The following DIP2A variants were observed in gnomAD, a reference collection of about 807,000 sequenced individuals.
DIP2A encodes disco-interacting protein 2 homolog A.
In DIP2A, 85 loss-of-function variants were observed where a neutral mutation model predicts 177.4. The ratio of observed to expected loss-of-function variants is 0.48; its 90% CI spans 0.40 to 0.57. The LOEUF (loss-of-function observed/expected upper bound fraction) is 0.57. Ranked by LOEUF, DIP2A falls within the 20% of genes least tolerant of loss-of-function variation. The pLI, the probability that DIP2A is intolerant of heterozygous loss-of-function variation, is 0.00. For missense variants in DIP2A, 1,791 were observed against 2,100.2 expected, an observed-to-expected ratio of 0.85 and a Z score of 2.88; for synonymous variants, 886 against 881.8, an observed-to-expected ratio of 1.00 and a Z score of -0.08.
At chr21:46,496,052 C>T (rs2057341445) in intron 3 of DIP2A, among the ~76,000 whole-genome samples, 1 of 144,514 alleles carries the variant, frequency 6.9e-6, no homozygotes. Context: ...AGCCTGGCGA[C>T]AGATCGAGAC....
At chr21:46,548,878 C>T (rs1382609844) in intron 21 of DIP2A, among the ~76,000 whole-genome samples, 1 of 152,206 alleles carries the variant, frequency 6.6e-6, no homozygotes, top group Admixed American at 6.5e-5. Context: ...CCAAGCAAAA[C>T]ACATCAGACT....
chr21:46,567,823 T>C lies in DIP2A; in HGVS notation c.*201T>C, dbSNP rs1337937631. ...AATATTTTGAATCTGCCAAGTACAT[T>C]TACAAAAACACGGATGCTGGTATTT... On this transcript the variant is annotated 3_prime_UTR_variant, in exon 38 of 38. Coordinates refer to ENST00000417564, the MANE Select transcript of DIP2A (RefSeq NM_015151.4). 2 of 564,608 alleles carry C rather than the reference T, an allele frequency of 3.5e-6. No homozygotes were observed. The highest frequency in any genetic ancestry group is 1.9e-5 in the African/African-American group (1 of 52,286). The allele number at this position is 564,608 out of a possible 1,614,324, so 35.0% of individuals were successfully genotyped here.
At chr21:46,548,240 G>A (rs899165438) in intron 21 of DIP2A, among the ~76,000 whole-genome samples, 1 of 151,950 alleles carries the variant, frequency 6.6e-6, no homozygotes, top group African/African-American at 2.4e-5. Context: ...GGGGAGGGTG[G>A]CACAGCCAGG....
chr21:46,519,313 G>C (rs2058718755), intron 8 of DIP2A, among the ~76,000 whole-genome samples: 1 of 152,076 alleles, frequency 6.6e-6, no homozygotes. Flanking sequence ...ATCTCATCCT[G>C]TGACTTAGAA....
At chr21:46,463,933 C>T (rs1362339128) in intron 1 of DIP2A, among the ~76,000 whole-genome samples, 1 of 151,604 alleles carries the variant, frequency 6.6e-6, no homozygotes, top group African/African-American at 2.4e-5. Flanking sequence ...TGGTCTTGAA[C>T]TCCTGACCTC....
At chr21:46,572,314 G>A (rs554640962), downstream of DIP2A, among the ~76,000 whole-genome samples, 1 of 152,296 alleles carries the variant, frequency 6.6e-6, no homozygotes, top group Admixed American at 6.5e-5. Flanking sequence ...TATGTTTAGT[G>A]TAGTCTAAGT....
intron 20 of DIP2A, chr21:46,546,164 C>T: frequency 7.2e-7 from 1 of 1,381,988 alleles, no homozygotes; most frequent in Non-Finnish European, 9.4e-7. Context: ...CAGTCCTGCA[C>T]ACAGGCCTGA....
chr21:46,497,643 C>T (rs2057429968), intron 4 of DIP2A, among the ~76,000 whole-genome samples: 1 of 152,176 alleles, frequency 6.6e-6, no homozygotes, highest in South Asian at 2.1e-4. Context: ...TCCTGTTAAA[C>T]TGTACAAGAT....
At chr21:46,483,341 A>G (rs1288435248) in intron 1 of DIP2A, among the ~76,000 whole-genome samples, 1 of 108,966 alleles carries the variant, frequency 9.2e-6, no homozygotes, top group African/African-American at 2.8e-5. Context: ...ACTAAATGCA[A>G]AAAAAAAAAA....
rs144669599 is a variant in DIP2A, at chr21:46,490,152, AC to A, written c.164-444del. 4.4e-4 allele frequency among the ~76,000 whole-genome samples: 67 copies of A among 152,190 alleles called. No individual in the cohort carries two copies. In the East Asian group the frequency reaches 0.012, roughly 28 times the overall value. ...GTTTGTATCAGAGGGCTACTGGTGG[AC>A]CCCAGTGGTGGTCTGGTGAGCTGTT... is the stretch of plus-strand genomic sequence containing the variant. On this transcript the variant is annotated intron_variant, in intron 2 of 37. Coordinates refer to ENST00000417564, the MANE Select transcript of DIP2A (RefSeq NM_015151.4).
intron 12 of DIP2A, among the ~76,000 whole-genome samples, chr21:46,534,342 G>A (rs1434777203): frequency 6.6e-6 from 1 of 152,152 alleles, no homozygotes; most frequent in Non-Finnish European, 1.5e-5. Context: ...GATGCAGACA[G>A]TTATGAGGGA....
At chr21:46,552,038 C>A (rs1401984789) in intron 25 of DIP2A, 134 bp downstream of exon 25, 6 of 1,067,160 alleles carry the variant, frequency 5.6e-6, no homozygotes, top group Non-Finnish European at 5.5e-6. Context: ...ACTCAGCCCC[C>A]GTCCTGGTTG....
At chr21:46,473,716 A>G (rs565001516) in intron 1 of DIP2A, among the ~76,000 whole-genome samples, 6 of 152,000 alleles carry the variant, frequency 3.9e-5, no homozygotes, top group African/African-American at 7.2e-5. Context: ...GGGTTTCACC[A>G]TGTTGGCCAG....
At chr21:46,551,147 C>T (rs17393980) in intron 23 of DIP2A, among the ~76,000 whole-genome samples, 6,853 of 152,254 alleles carry the variant, frequency 0.045, 216 homozygotes, top group Non-Finnish European at 0.063. Flanking sequence ...TCTCAGCAAA[C>T]GGCCAACTTG....
chr21:46,493,980 A>T (rs1314022222), intron 3 of DIP2A, among the ~76,000 whole-genome samples: 2 of 152,060 alleles, frequency 1.3e-5, no homozygotes, highest in East Asian at 3.9e-4. Context: ...CAAATCTCGG[A>T]TATGTTATTT....
chr21:46,575,556 CA>C, the DIP2A span, among the ~76,000 whole-genome samples: 1 of 152,096 alleles, frequency 6.6e-6, no homozygotes, highest in Non-Finnish European at 1.5e-5. Context: ...ATAAATTTAG[CA>C]ACATAGCAGG....
chr21:46,567,916 C>T lies in DIP2A; in HGVS notation c.*294C>T. 2 of 337,836 alleles carry T rather than the reference C, an allele frequency of 5.9e-6. No homozygotes were observed. Among genetic ancestry groups the T allele is most frequent in the Non-Finnish European group, 1.1e-5 (2 of 187,412 alleles). The allele number at this position is 337,836 out of a possible 1,614,324, so 20.9% of individuals were successfully genotyped here. On this transcript the variant is annotated 3_prime_UTR_variant, in exon 38 of 38. Coordinates refer to ENST00000417564, the MANE Select transcript of DIP2A (RefSeq NM_015151.4). ...TGGGCATTGTGAGGAATCACAGGCA[C>T]CGAGGTTGTTCTCTGCTGTACTGCA...
intron 8 of DIP2A, among the ~76,000 whole-genome samples, chr21:46,515,759 A>G (rs887496835): frequency 6.6e-6 from 1 of 151,964 alleles, no homozygotes; most frequent in Non-Finnish European, 1.5e-5. Context: ...GCTGGTCTCA[A>G]ACTCCTGAGC....
At chr21:46,540,248 TGTC>T (rs1426842686) in intron 17 of DIP2A, among the ~76,000 whole-genome samples, 1 of 152,148 alleles carries the variant, frequency 6.6e-6, no homozygotes, top group Admixed American at 6.5e-5. Context: ...AGAAAGGCCT[TGTC>T]ATCTCGTCTG....
Sources: gnomAD v4.1 joint callset for allele counts (sites outside exome capture counted in the v4.1 genomes callset) on GRCh38, gnomAD v4.1.1 for gene constraint, MANE v1.5 for transcripts, NCBI Gene and HGNC (gene_info 2026-07-23, HGNC 2026-07-21) for gene names.